The following IMMP2L variants were observed in gnomAD, a reference collection of about 807,000 sequenced individuals.
The protein encoded by IMMP2L is mitochondrial inner membrane protease subunit 2.
A neutral mutation model predicts 19.3 loss-of-function variants in IMMP2L; 18 were observed. The ratio of observed to expected loss-of-function variants is 0.93; its 90% CI spans 0.64 to 1.38. IMMP2L has a LOEUF of 1.38. Ranked by LOEUF, IMMP2L falls within the 40% of genes most tolerant of loss-of-function variation. The probability of loss-of-function intolerance (pLI) is 0.00; values close to 1 mark genes in which losing one functional copy is unlikely to be tolerated. For missense variants in IMMP2L, 233 were observed against 218.2 expected (o/e 1.07, Z -0.43); for synonymous variants, 76 against 73.0 (o/e 1.04, Z -0.21).
At chr7:111,456,266 T>C (rs1839668320) in intron 3 of IMMP2L, among the ~76,000 whole-genome samples, 6 of 152,006 alleles carry the variant, frequency 3.9e-5, no homozygotes, top group Admixed American at 3.3e-4. Context: ...GCAAACAAGA[T>C]GGTATCACAT....
chr7:111,083,810 T>C (rs1027728744), intron 3 of IMMP2L, among the ~76,000 whole-genome samples: 2 of 152,254 alleles, frequency 1.3e-5, no homozygotes, highest in Admixed American at 1.3e-4. Context: ...AATTTCAGCA[T>C]ACATAATTTC....
intron 5 of IMMP2L, among the ~76,000 whole-genome samples, chr7:110,675,049 T>C (rs771722369): frequency 1.3e-5 from 2 of 152,178 alleles, no homozygotes; most frequent in Non-Finnish European, 1.5e-5. Context: ...TTCTACCCAA[T>C]ATAAAGATCA....
intron 3 of IMMP2L, among the ~76,000 whole-genome samples, chr7:111,025,394 T>C (rs1178996866): frequency 6.6e-6 from 1 of 152,176 alleles, no homozygotes; most frequent in Non-Finnish European, 1.5e-5. Flanking sequence ...ATAAGAATTA[T>C]CAGAATTAAA....
chr7:111,019,821 G>A (rs1200472506), intron 3 of IMMP2L, among the ~76,000 whole-genome samples: 3 of 152,034 alleles, frequency 2.0e-5, no homozygotes, highest in Non-Finnish European at 4.4e-5. Flanking sequence ...TTGGAAGTAA[G>A]GGCATAAATT....
At chr7:111,118,640 C>G (rs944838915) in intron 3 of IMMP2L, among the ~76,000 whole-genome samples, 1 of 151,990 alleles carries the variant, frequency 6.6e-6, no homozygotes, top group Non-Finnish European at 1.5e-5. Flanking sequence ...TAAGAAAAGG[C>G]TTTGAAAACT....
chr7:111,028,432 AGCATAGG>A (rs1402611188), intron 3 of IMMP2L, among the ~76,000 whole-genome samples: 2 of 152,160 alleles, frequency 1.3e-5, no homozygotes, highest in Non-Finnish European at 2.9e-5. Flanking sequence ...TCTTGCAATC[AGCATAGG>A]GAAATCTCAT....
chr7:111,507,595 A>C (rs1350254277), intron 2 of IMMP2L, among the ~76,000 whole-genome samples: 7 of 152,106 alleles, frequency 4.6e-5, no homozygotes, highest in Non-Finnish European at 7.4e-5. Context: ...CCACATTACC[A>C]GCCCCAAACT....
Position 111,049,187 on chromosome 7 carries a change from G to A in IMMP2L, c.240-85622C>T, listed in dbSNP as rs1341241485. On this transcript the variant is annotated intron_variant, in intron 3 of 5. Coordinates refer to ENST00000405709, the MANE Select transcript of IMMP2L (RefSeq NM_032549.4). ...GCTCTGTCGCCCAGGCTGGAGTGCA[G>A]TGGCGTCATCTCGGCTCACTGCAAG... Among the ~76,000 whole-genome samples the A allele has an allele frequency of 2.3e-5, 3 of 130,950 alleles. No individual in the cohort carries two copies. In the East Asian group the frequency reaches 6.8e-4, roughly 30 times the overall value. The allele number at this position is 130,950 out of a possible 152,430, so 85.9% of individuals were successfully genotyped here.
intron 3 of IMMP2L, among the ~76,000 whole-genome samples, chr7:111,443,237 G>C (rs1342109190): frequency 6.6e-6 from 1 of 151,766 alleles, no homozygotes; most frequent in African/African-American, 2.4e-5. Flanking sequence ...ATATATCAGA[G>C]ACAATAATTT....
chr7:111,016,909 T>TTA (rs1243186925), intron 3 of IMMP2L, among the ~76,000 whole-genome samples: 1 of 92,308 alleles, frequency 1.1e-5, no homozygotes, highest in Non-Finnish European at 1.9e-5. Flanking sequence ...TTATATATAA[T>TTA]TATATATATA....
At chr7:111,479,311 T>C (rs1482353320) in intron 3 of IMMP2L, among the ~76,000 whole-genome samples, 1 of 151,886 alleles carries the variant, frequency 6.6e-6, no homozygotes, top group Non-Finnish European at 1.5e-5. Context: ...AGTGCTCCAA[T>C]GCCTTTAGAT....
chr7:111,008,315 G>A (rs1824528950), intron 3 of IMMP2L, among the ~76,000 whole-genome samples: 1 of 151,990 alleles, frequency 6.6e-6, no homozygotes, highest in Admixed American at 6.6e-5. Flanking sequence ...TGATCACACT[G>A]ACTGCCTTGC....
intron 3 of IMMP2L, among the ~76,000 whole-genome samples, chr7:111,300,550 A>T (rs1822112623): frequency 6.6e-6 from 1 of 152,142 alleles, no homozygotes; most frequent in South Asian, 2.1e-4. Flanking sequence ...CAGTCAAAAT[A>T]TAAAACAATT....
intron 3 of IMMP2L, among the ~76,000 whole-genome samples, chr7:110,994,598 T>A (rs1279699788): frequency 1.3e-5 from 2 of 152,128 alleles, no homozygotes; most frequent in African/African-American, 4.8e-5. Flanking sequence ...AGGAAACTGG[T>A]TTCTGGACAA....
rs1822940904 is a variant in IMMP2L, at chr7:110,995,570, T to C, written c.240-32005A>G. Among the ~76,000 whole-genome samples the C allele has an allele frequency of 2.6e-5, 4 of 152,156 alleles. No individual in the cohort carries two copies. The South Asian group carries it at 8.3e-4, about 31-fold the overall frequency. On this transcript the variant is annotated intron_variant, in intron 3 of 5. Coordinates refer to ENST00000405709, the MANE Select transcript of IMMP2L (RefSeq NM_032549.4). ...ATTTAATGAGAAGGAGGCTTCAACA[T>C]CCATAAACAGTTGTTAAAATGTTTG...
At position 111,123,051 on chromosome 7, in the gene IMMP2L, C is replaced by A. The variant is rs748917070; in HGVS notation, c.240-159486G>T. 5.6e-6 allele frequency: 9 copies of A among 1,613,780 alleles called. No homozygotes were observed. Among genetic ancestry groups the A allele is most frequent in the South Asian group, 1.1e-5 (1 of 91,072 alleles). ...AATACTCCACAGACTTTCCAGTAAA[C>A]CTTACTGGCCTGGATTTATCTCAAA... On this transcript the variant is annotated intron_variant, in intron 3 of 5. Coordinates refer to ENST00000405709, the MANE Select transcript of IMMP2L (RefSeq NM_032549.4). The surrounding 1 kb of genome is among the most constrained non-coding windows in gnomAD (Gnocchi z 6.4).
In IMMP2L at chr7:111,019,525, C is replaced by T. The variant is rs147895097; in HGVS notation, c.240-55960G>A. 8.9e-3 allele frequency among the ~76,000 whole-genome samples: 1,350 copies of T among 152,134 alleles called. 9 individuals carry two copies. Among genetic ancestry groups the T allele is most frequent in the Admixed American group, 0.014 (211 of 15,280 alleles). On this transcript the variant is annotated intron_variant, in intron 3 of 5. Coordinates refer to ENST00000405709, the MANE Select transcript of IMMP2L (RefSeq NM_032549.4). The stretch of plus-strand genomic sequence containing the variant: ...GGGGAGGCAGCCAGTAAGGGGGCCT[C>T]CACCTACTTTTCAAAGAATCAAGAA...
chr7:111,374,163 T>C (rs1170165132), intron 3 of IMMP2L, among the ~76,000 whole-genome samples: 1 of 152,110 alleles, frequency 6.6e-6, no homozygotes, highest in African/African-American at 2.4e-5. Context: ...ATTGCTCACA[T>C]GCTAAAGCTT....
chr7:111,351,525 A>G (rs976513593), intron 3 of IMMP2L, among the ~76,000 whole-genome samples: 4 of 152,056 alleles, frequency 2.6e-5, no homozygotes, highest in African/African-American at 9.7e-5. Context: ...GTAACTCCCA[A>G]TTCCTGATGA....
Sources: allele counts gnomAD v4.1 joint callset (sites outside exome capture counted in the v4.1 genomes callset), GRCh38; gene constraint gnomAD v4.1.1; non-coding constraint Gnocchi (gnomAD v3.1); transcripts MANE v1.5; gene names NCBI Gene and HGNC (gene_info 2026-07-23, HGNC 2026-07-21).